Variants in CSMD2 observed in about 807,000 individuals in gnomAD.
The protein encoded by CSMD2 is CUB and sushi domain-containing protein 2.
CSMD2 carries 130 observed loss-of-function variants against 398.5 expected under a neutral mutation model. That is an observed-to-expected ratio of 0.33 (90% CI 0.28 to 0.38). CSMD2 has a LOEUF of 0.38. Ranked by LOEUF, CSMD2 falls within the 10% of genes least tolerant of loss-of-function variation. CSMD2 has a pLI of 1.00. For synonymous variants in CSMD2, 1,828 were observed against 1,908.5 expected (o/e 0.96, Z 1.10); for missense variants, 3,829 against 4,764.9 (o/e 0.80, Z 5.78).
chr1:33,586,541 G>A lies in CSMD2; in HGVS notation c.7014C>T (p.Thr2338=), dbSNP rs748866486. 13 of 1,613,602 alleles carry A rather than the reference G, an allele frequency of 8.1e-6. No individual in the cohort carries two copies. In the South Asian group the frequency reaches 1.3e-4, roughly 16 times the overall value. Reference sequence around the variant, plus strand: ...GGGGTGGTCCTTCAAACTGCAGGTAGGTTCCAAGTTTGCAGGTCAGAATTT... The same window carrying A: ...GGGGTGGTCCTTCAAACTGCAGGTAAGTTCCAAGTTTGCAGGTCAGAATTT... ...GNEILTCKLG[T]YLQFEGPPPI... is the part of the protein sequence containing the mutation. The change falls in exon 46 of 71, where the codon ACC becomes ACT. Residue 2338 remains threonine, a synonymous_variant. Coordinates refer to ENST00000373381, the MANE Select transcript of CSMD2 (RefSeq NM_001281956.2).
chr1:33,998,139 G>A (rs573602401), intron 3 of CSMD2, among the ~76,000 whole-genome samples: 2 of 152,248 alleles, frequency 1.3e-5, no homozygotes, highest in Non-Finnish European at 2.9e-5. Context: ...TGGGTTAATG[G>A]ATTAATAGGC....
intron 29 of CSMD2, among the ~76,000 whole-genome samples, chr1:33,642,864 G>T (rs1643192033): frequency 1.3e-5 from 2 of 152,088 alleles, no homozygotes; most frequent in South Asian, 4.2e-4. Flanking sequence ...AACTGTTTCT[G>T]CTTCTCACTT....
intron 13 of CSMD2, among the ~76,000 whole-genome samples, chr1:33,751,840 T>C (rs977126436): frequency 3.3e-5 from 5 of 152,036 alleles, no homozygotes; most frequent in African/African-American, 1.2e-4. Flanking sequence ...TTGGCCAGGA[T>C]GGTCTTGATC....
chr1:33,981,757 G>A (rs1262884680), intron 3 of CSMD2, among the ~76,000 whole-genome samples: 1 of 152,228 alleles, frequency 6.6e-6, no homozygotes, highest in African/African-American at 2.4e-5. Context: ...AAGGCATTTG[G>A]GCTGGACAGG....
chr1:33,881,437 G>T (rs1641234564), intron 5 of CSMD2, among the ~76,000 whole-genome samples: 1 of 152,216 alleles, frequency 6.6e-6, no homozygotes, highest in Admixed American at 6.5e-5. Context: ...AAAATGTGGG[G>T]AAGGTCGTTT....
At chr1:34,023,429 T>C (rs1649195338) in intron 3 of CSMD2, among the ~76,000 whole-genome samples, 1 of 152,166 alleles carries the variant, frequency 6.6e-6, no homozygotes, top group Non-Finnish European at 1.5e-5. Flanking sequence ...GCCACTTTTG[T>C]GTTGTACAAA....
At chr1:33,611,835 T>C (rs1444012206) in intron 40 of CSMD2, among the ~76,000 whole-genome samples, 1 of 152,242 alleles carries the variant, frequency 6.6e-6, no homozygotes, top group African/African-American at 2.4e-5. Context: ...TTAATGTACA[T>C]AGTAATATAC....
chr1:33,896,990 G>T (rs532761136), intron 5 of CSMD2, among the ~76,000 whole-genome samples: 2 of 152,068 alleles, frequency 1.3e-5, no homozygotes, highest in East Asian at 3.9e-4. Flanking sequence ...AGAAGGTAAG[G>T]TCACAGAGGC....
At chr1:34,008,072 C>A (rs1647115440) in intron 3 of CSMD2, among the ~76,000 whole-genome samples, 1 of 152,188 alleles carries the variant, frequency 6.6e-6, no homozygotes, top group Admixed American at 6.5e-5. Flanking sequence ...GTGCGCAAAA[C>A]CAAATCAGAA....
At chr1:33,965,134 T>A (rs1312733906) in intron 3 of CSMD2, among the ~76,000 whole-genome samples, 1 of 152,182 alleles carries the variant, frequency 6.6e-6, no homozygotes, top group Non-Finnish European at 1.5e-5. Context: ...TTATGGAGCT[T>A]GAATCAAAGT....
At position 34,164,416 on chromosome 1, in the gene CSMD2, A is replaced by G. The variant is rs1039927570; in HGVS notation, c.187+495T>C. ...GGGGGCACCGGTTTCAATTGGAGAA[A>G]ATGGGCGGGGGCAGGGAAGGGCAGA... On this transcript the variant is annotated intron_variant, in intron 1 of 70. Transcript: ENST00000373381. This position sits in a 1 kb window ranked among gnomAD's most constrained non-coding sequence, Gnocchi z 6.2. Among the ~76,000 whole-genome samples, 8 of 151,970 alleles carry G rather than the reference A, an allele frequency of 5.3e-5. No homozygotes were observed. The highest frequency in any genetic ancestry group is 1.9e-4 in the African/African-American group (8 of 41,464).
In CSMD2 at chr1:33,539,068, C is replaced by T. The variant is rs534966995; in HGVS notation, c.9631+1457G>A. 3.9e-5 allele frequency among the ~76,000 whole-genome samples: 6 copies of T among 152,130 alleles called. No individual in the cohort carries two copies. In the South Asian group the frequency reaches 1.0e-3, roughly 26 times the overall value. On this transcript the variant is annotated intron_variant, in intron 60 of 70. Transcript: ENST00000373381. ...CTGCAAGCTCCGCCTCCTGGGTTCA[C>T]GCCATTCTCCTGCCCCAACCTCCCG... is the stretch of plus-strand genomic sequence containing the variant.
intron 54 of CSMD2, among the ~76,000 whole-genome samples, chr1:33,558,790 C>T (rs1226916637): frequency 6.6e-6 from 1 of 152,106 alleles, no homozygotes; most frequent in African/African-American, 2.4e-5. Context: ...CCCTCACCCC[C>T]TTTATCTCAA....
intron 4 of CSMD2, among the ~76,000 whole-genome samples, chr1:33,920,243 C>A (rs975418227): frequency 6.6e-6 from 1 of 152,046 alleles, no homozygotes; most frequent in African/African-American, 2.4e-5. Context: ...TCAAGAGACC[C>A]AAGGACTGGG....
At chr1:34,129,014 C>G (rs955510613) in intron 1 of CSMD2, among the ~76,000 whole-genome samples, 3 of 138,472 alleles carry the variant, frequency 2.2e-5, no homozygotes, top group African/African-American at 8.3e-5. Context: ...CCCCCCCCCA[C>G]ACACACACAC....
Position 33,755,672 on chromosome 1 carries a change from G to A in CSMD2, c.1847-12066C>T, listed in dbSNP as rs373946877. On this transcript the variant is annotated intron_variant, in intron 13 of 70. Coordinates refer to ENST00000373381, the MANE Select transcript of CSMD2 (RefSeq NM_001281956.2). ...TCTTTAAACAATTTTTTAGAGAAAG[G>A]GGTCTCACTGTCTCTAGGCTGCAGT... is the stretch of plus-strand genomic sequence containing the variant. Among the ~76,000 whole-genome samples the A allele has an allele frequency of 3.2e-4, 48 of 152,196 alleles. 1 individual carries two copies. The South Asian group carries it at 9.3e-3, about 30-fold the overall frequency.
At chr1:33,741,641 A>T (rs1474940098) in intron 14 of CSMD2, among the ~76,000 whole-genome samples, 3 of 152,076 alleles carry the variant, frequency 2.0e-5, no homozygotes, top group Non-Finnish European at 4.4e-5. Context: ...CTCTCCTTTG[A>T]CCTCTCCCAT....
chr1:33,679,767 TCTC>T (rs964352263), intron 25 of CSMD2, among the ~76,000 whole-genome samples: 2 of 152,194 alleles, frequency 1.3e-5, no homozygotes, highest in South Asian at 2.1e-4. Context: ...ATTGTCAATT[TCTC>T]CTCATATTTC....
chr1:33,835,978 C>T lies in CSMD2; in HGVS notation c.1034-10204G>A, dbSNP rs1309554698. ...TTTCAGTTTTTCTGCTCTGTTTTTT[C>T]CCCATCTTTGTGGTTTTATCTACCT... On this transcript the variant is annotated intron_variant, in intron 6 of 70. Transcript: ENST00000373381. 5.9e-5 allele frequency among the ~76,000 whole-genome samples: 9 copies of T among 152,094 alleles called. No homozygotes were observed. The South Asian group carries it at 8.3e-4, about 14-fold the overall frequency.
Sources: allele counts gnomAD v4.1 joint callset (sites outside exome capture counted in the v4.1 genomes callset), GRCh38; gene constraint gnomAD v4.1.1; non-coding constraint Gnocchi (gnomAD v3.1); transcripts MANE v1.5; gene names NCBI Gene and HGNC (gene_info 2026-07-23, HGNC 2026-07-21).